The following FSTL5 variants were observed in gnomAD, a reference collection of about 807,000 sequenced individuals.
The protein encoded by FSTL5 is follistatin like 5.
Under a neutral mutation model 89.1 loss-of-function variants are expected in FSTL5, and 62 were observed. The ratio of observed to expected loss-of-function variants is 0.70; its 90% CI spans 0.57 to 0.86. The LOEUF (loss-of-function observed/expected upper bound fraction) is 0.86. FSTL5 is among the 40% of genes least tolerant of loss of function. The probability of loss-of-function intolerance (pLI) is 0.00; values close to 1 mark genes in which losing one functional copy is unlikely to be tolerated. For missense variants in FSTL5, 1,057 were observed against 1,001.6 expected, an observed-to-expected ratio of 1.06 and a Z score of -0.75; for synonymous variants, 383 against 346.2, an observed-to-expected ratio of 1.11 and a Z score of -1.18.
chr4:161,430,463 A>G (rs1018926777), intron 15 of FSTL5, among the ~76,000 whole-genome samples: 8 of 152,192 alleles, frequency 5.3e-5, no homozygotes, highest in African/African-American at 1.7e-4. Context: ...ACTCCTGGCC[A>G]GGTGTGGTGG....
chr4:161,532,397 G>A (rs2126531973), intron 10 of FSTL5, among the ~76,000 whole-genome samples: 1 of 152,246 alleles, frequency 6.6e-6, no homozygotes, highest in African/African-American at 2.4e-5. Flanking sequence ...TCAGTGAGGT[G>A]TTGTGTGATT....
At chr4:162,158,519 A>G (rs1358321684) in intron 1 of FSTL5, among the ~76,000 whole-genome samples, 5 of 152,080 alleles carry the variant, frequency 3.3e-5, no homozygotes, top group Admixed American at 6.6e-5. Flanking sequence ...AGAGATTATC[A>G]TAGTAAAAAT....
At chr4:162,037,986 G>C (rs1157555455) in intron 2 of FSTL5, among the ~76,000 whole-genome samples, 2 of 151,892 alleles carry the variant, frequency 1.3e-5, no homozygotes, top group Non-Finnish European at 2.9e-5. Flanking sequence ...AAAGAAAATT[G>C]TGATTATTTA....
chr4:161,699,030 G>T (rs1738283782), intron 6 of FSTL5, among the ~76,000 whole-genome samples: 1 of 152,094 alleles, frequency 6.6e-6, no homozygotes, highest in Admixed American at 6.6e-5. Flanking sequence ...ATAAAAATGT[G>T]AAAAGCATGA....
chr4:161,866,802 G>C (rs1732106768), intron 4 of FSTL5, among the ~76,000 whole-genome samples: 1 of 151,566 alleles, frequency 6.6e-6, no homozygotes, highest in South Asian at 2.1e-4. Flanking sequence ...GTTATTTTCT[G>C]CCCTATAAGA....
chr4:161,437,565 C>CA (rs56229701), intron 15 of FSTL5, among the ~76,000 whole-genome samples: 20,463 of 68,162 alleles, frequency 0.3, 4,831 homozygotes, highest in East Asian at 0.4. Context: ...GACTCCGTCT[C>CA]AAAAAAAAAA....
intron 4 of FSTL5, among the ~76,000 whole-genome samples, chr4:161,899,846 C>T (rs1248162338): frequency 1.3e-5 from 2 of 152,162 alleles, no homozygotes; most frequent in Non-Finnish European, 2.9e-5. Context: ...CCAGCAGTAT[C>T]TCTGAAGTTC....
intron 15 of FSTL5, among the ~76,000 whole-genome samples, chr4:161,407,127 G>T (rs190032831): frequency 6.6e-6 from 1 of 152,252 alleles, no homozygotes; most frequent in Non-Finnish European, 1.5e-5. Flanking sequence ...AGATAGAGAT[G>T]ATGGTTGTCT....
At chr4:161,656,306 G>A (rs1736513103) in intron 7 of FSTL5, 22 bp downstream of exon 7, 2 of 1,309,616 alleles carry the variant, frequency 1.5e-6, no homozygotes, top group Admixed American at 2.1e-5. Context: ...ATATTATAAA[G>A]CAACTATATT....
At chr4:161,915,285 C>G (rs1733806727) in intron 4 of FSTL5, among the ~76,000 whole-genome samples, 1 of 150,026 alleles carries the variant, frequency 6.7e-6, no homozygotes, top group Non-Finnish European at 1.5e-5. Flanking sequence ...GTATCTCTTC[C>G]CCCCATCATC....
At chr4:162,090,671 A>T (rs936219012) in intron 2 of FSTL5, among the ~76,000 whole-genome samples, 2 of 151,974 alleles carry the variant, frequency 1.3e-5, no homozygotes, top group Non-Finnish European at 2.9e-5. Context: ...AAATACAAAA[A>T]TTAGCTGGGC....
chr4:161,518,640 G>T (rs1174259268), intron 10 of FSTL5, among the ~76,000 whole-genome samples: 1 of 152,044 alleles, frequency 6.6e-6, no homozygotes, highest in Non-Finnish European at 1.5e-5. Context: ...TAGTCTCATT[G>T]AATCCACGAC....
In FSTL5 at chr4:161,385,510, T is replaced by G. The variant is rs116508077; in HGVS notation, c.*237A>C. On this transcript the variant is annotated 3_prime_UTR_variant, in exon 16 of 16. Coordinates refer to ENST00000306100, the MANE Select transcript of FSTL5 (RefSeq NM_020116.5). ...TTAAAGCATAATTTACATATTTGATTCTTGTGACTGATGTGATTTCTCATT... is the reference window on the plus strand; with the variant it reads ...TTAAAGCATAATTTACATATTTGATGCTTGTGACTGATGTGATTTCTCATT... 2.5e-4 allele frequency: 106 copies of G among 425,536 alleles called. No individual in the cohort carries two copies. The highest frequency in any genetic ancestry group is 2.1e-3 in the African/African-American group (102 of 49,470). The allele number at this position is 425,536 out of a possible 1,614,324, so 26.4% of individuals were successfully genotyped here. A position where few individuals can be genotyped will look rare whatever the true frequency, so the allele number is the denominator to read the frequency against.
chr4:161,777,195 A>G (rs939736641), intron 4 of FSTL5, among the ~76,000 whole-genome samples: 1 of 151,314 alleles, frequency 6.6e-6, no homozygotes, highest in Non-Finnish European at 1.5e-5. Flanking sequence ...ATGTTGTTGA[A>G]AATACCAGTA....
intron 6 of FSTL5, among the ~76,000 whole-genome samples, chr4:161,737,692 G>C (rs768692703): frequency 1.2e-4 from 18 of 151,822 alleles, no homozygotes; most frequent in Non-Finnish European, 2.5e-4. Flanking sequence ...CAAAACCTAT[G>C]TATGTAAATC....
intron 7 of FSTL5, among the ~76,000 whole-genome samples, chr4:161,634,880 TCA>T (rs1277739911): frequency 6.6e-6 from 1 of 152,134 alleles, no homozygotes; most frequent in African/African-American, 2.4e-5. Context: ...ATTATTATCA[TCA>T]CACACACACA....
In FSTL5 at chr4:161,800,523, G is replaced by C. The variant is rs140386351; in HGVS notation, c.410-24449C>G. ...GAAAATCTTCCTCAAGCTGGCAGAT[G>C]GAAATGAATATACAAAGACCTCCTT... is the stretch of plus-strand genomic sequence containing the variant. On this transcript the variant is annotated intron_variant, in intron 4 of 15. Transcript: ENST00000306100. Among the ~76,000 whole-genome samples the C allele has an allele frequency of 3.4e-4, 51 of 151,676 alleles. No homozygotes were observed. In the East Asian group the frequency reaches 7.7e-3, roughly 23 times the overall value.
intron 8 of FSTL5, among the ~76,000 whole-genome samples, chr4:161,564,358 C>A (rs1453171806): frequency 6.6e-6 from 1 of 150,644 alleles, no homozygotes; most frequent in Non-Finnish European, 1.5e-5. Flanking sequence ...GAATTGTATT[C>A]CTATATATAT....
At position 161,385,456 on chromosome 4, in the gene FSTL5, T is replaced by G. The variant is rs1024633163; in HGVS notation, c.*291A>C. ...TCTGAAATTCCCTGCAGTTTAGTTT[T>G]TTAAATGATTTAAATCCTACTTTAT... On this transcript the variant is annotated 3_prime_UTR_variant, in exon 16 of 16. Transcript: ENST00000306100. The G allele has an allele frequency of 4.5e-4, 122 of 273,186 alleles. No individual in the cohort carries two copies. Among genetic ancestry groups the G allele is most frequent in the African/African-American group, 2.5e-3 (114 of 45,530 alleles). 16.9% of individuals were successfully genotyped at this position (273,186 alleles called of 1,614,324 possible). A position where few individuals can be genotyped will look rare whatever the true frequency, so the allele number is the denominator to read the frequency against.
Sources: allele counts gnomAD v4.1 joint callset (sites outside exome capture counted in the v4.1 genomes callset), GRCh38; gene constraint gnomAD v4.1.1; transcripts MANE v1.5; gene names NCBI Gene and HGNC (gene_info 2026-07-23, HGNC 2026-07-21).